The following USP31 variants were observed in gnomAD, a reference collection of about 807,000 sequenced individuals.
The protein encoded by USP31 is ubiquitin carboxyl-terminal hydrolase 31.
In USP31, 44 loss-of-function variants were observed where a neutral mutation model predicts 119.4. The ratio of observed to expected loss-of-function variants is 0.37; its 90% CI spans 0.29 to 0.47. The LOEUF (loss-of-function observed/expected upper bound fraction) is 0.47, where lower values mean the gene tolerates loss of function less well. Among genes scored for constraint, USP31 ranks in the 20% least tolerant of loss-of-function variants. The probability of loss-of-function intolerance (pLI) is 0.99; values close to 1 mark genes in which losing one functional copy is unlikely to be tolerated. For synonymous variants in USP31, 749 were observed against 705.6 expected (o/e 1.06, Z -0.97); for missense variants, 1,643 against 1,730.2 (o/e 0.95, Z 0.89).
intron 15 of USP31, among the ~76,000 whole-genome samples, chr16:23,071,168 A>C (rs1900327467): frequency 6.6e-6 from 1 of 152,230 alleles, no homozygotes; most frequent in Admixed American, 6.5e-5. Context: ...AAGAGGTGGC[A>C]GAGCTAGAGC....
intron 1 of USP31, among the ~76,000 whole-genome samples, chr16:23,108,797 GT>G (rs1902210186): frequency 6.6e-6 from 1 of 152,068 alleles, no homozygotes; most frequent in South Asian, 2.1e-4. Context: ...ATGAATACAT[GT>G]TACATAACAA....
chr16:23,132,917 A>T (rs1903073319), intron 1 of USP31, among the ~76,000 whole-genome samples: 1 of 152,300 alleles, frequency 6.6e-6, no homozygotes, highest in African/African-American at 2.4e-5. Flanking sequence ...TCACACACCC[A>T]TAAAGCTGCC....
At chr16:23,105,298 T>G in intron 5 of USP31, 143 bp downstream of exon 5, 1 of 1,080,264 alleles carries the variant, frequency 9.3e-7, no homozygotes. Flanking sequence ...TTTGGGGCCT[T>G]GATTTTTTTC....
At chr16:23,093,870 T>C (rs1250377299) in intron 6 of USP31, among the ~76,000 whole-genome samples, 1 of 152,192 alleles carries the variant, frequency 6.6e-6, no homozygotes, top group Non-Finnish European at 1.5e-5. Context: ...AGGAATGAAG[T>C]GGATCCGTTC....
At chr16:23,133,723 C>G (rs948798070) in intron 1 of USP31, among the ~76,000 whole-genome samples, 1 of 152,144 alleles carries the variant, frequency 6.6e-6, no homozygotes, top group African/African-American at 2.4e-5. Context: ...CAGTGACAGG[C>G]AGGCATTCAG....
rs117936945 is a variant in USP31, at chr16:23,067,198, C to G, written c.*848G>C. 6 of 152,722 alleles carry G rather than the reference C, an allele frequency of 3.9e-5. No homozygotes were observed. The highest frequency in any genetic ancestry group is 5.9e-5 in the Non-Finnish European group (4 of 68,030). The allele number at this position is 152,722 out of a possible 1,614,324, so 9.5% of individuals were successfully genotyped here. On this transcript the variant is annotated 3_prime_UTR_variant, in exon 16 of 16. Coordinates refer to ENST00000219689, the MANE Select transcript of USP31 (RefSeq NM_020718.4). ...AACTGCTCTACTACAGTGCAAAATTCCAAGAGCCTTAGCTAGTAATTTCAG... is the reference window on the plus strand; with the variant it reads ...AACTGCTCTACTACAGTGCAAAATTGCAAGAGCCTTAGCTAGTAATTTCAG...
rs377429982 is a variant in USP31 at position 23,084,819 on chromosome 16, C to T, written c.1830+41G>A. On this transcript the variant is annotated intron_variant, in intron 11 of 15. Transcript: ENST00000219689. The stretch of plus-strand genomic sequence containing the variant: ...TATCACCTTGCCATGCCCCACTCCC[C>T]ACTGCCCTGAGCAACCAAGAAATGC... 247 of 1,611,180 alleles carry T rather than the reference C, an allele frequency of 1.5e-4. 1 individual carries two copies. In the African/African-American group the frequency reaches 2.3e-3, roughly 15 times the overall value.
At chr16:23,085,106 T>C (rs1411771152) in intron 10 of USP31, 117 bp from the exon 11 acceptor site, 3 of 1,427,996 alleles carry the variant, frequency 2.1e-6, no homozygotes, top group East Asian at 2.3e-5. Flanking sequence ...AAAAAATCAA[T>C]GTGTAAGAAA....
At position 23,068,087 on chromosome 16, in the gene USP31, T is replaced by C. The variant is rs114976439; in HGVS notation, c.4018A>G (p.Ser1340Gly). Residue 1340 changes from serine to glycine, a missense_variant, in exon 16 of 16, where the codon AGC (serine) becomes GGC (glycine). Around this residue, in one of 5 missense-constraint regions of USP31, gnomAD observed 699 missense variants for 650.9 expected, o/e 1.07. Coordinates refer to ENST00000219689, the MANE Select transcript of USP31 (RefSeq NM_020718.4). ...GAAGGCCGTGCAGAGGTTTGCATGC[T>C]AGAAGATAACTTTTTTGAGGATTTC... ...AEKSSKKLSS[S>G]MQTSARPSQK... 3.1e-3 allele frequency: 4,997 copies of C among 1,614,210 alleles called. 8 individuals carry two copies. Among genetic ancestry groups the C allele is most frequent in the Non-Finnish European group, 3.9e-3 (4,588 of 1,180,022 alleles).
intron 1 of USP31, among the ~76,000 whole-genome samples, chr16:23,127,745 T>C (rs932428050): frequency 6.6e-6 from 1 of 151,714 alleles, no homozygotes; most frequent in South Asian, 2.1e-4. Context: ...CCCAAAGTGC[T>C]GGGATTACAG....
At chr16:23,113,072 T>C (rs1352055185) in intron 1 of USP31, among the ~76,000 whole-genome samples, 2 of 151,772 alleles carry the variant, frequency 1.3e-5, no homozygotes, top group Non-Finnish European at 2.9e-5. Flanking sequence ...TTAGCACTAA[T>C]GAAACCTTGG....
At chr16:23,120,542 T>A (rs569616163) in intron 1 of USP31, among the ~76,000 whole-genome samples, 1 of 151,964 alleles carries the variant, frequency 6.6e-6, no homozygotes, top group South Asian at 2.1e-4. Flanking sequence ...CAAAGAAAAA[T>A]TAGAGAGAGA....
chr16:23,108,660 T>C (rs1361573317), intron 1 of USP31, among the ~76,000 whole-genome samples: 1 of 152,160 alleles, frequency 6.6e-6, no homozygotes, highest in African/African-American at 2.4e-5. Context: ...GTAAAAATCA[T>C]TTAGGGGGGT....
intron 1 of USP31, among the ~76,000 whole-genome samples, chr16:23,145,726 G>A (rs895161334): frequency 6.6e-6 from 1 of 152,146 alleles, no homozygotes; most frequent in Admixed American, 6.5e-5. Flanking sequence ...TCCTTGTTGG[G>A]CCCAACGAGC....
chr16:23,080,197 T>C (rs1374063730), intron 12 of USP31, 26 bp from the exon 13 acceptor site: 14 of 1,523,294 alleles, frequency 9.2e-6, no homozygotes, highest in Admixed American at 2.2e-5. Context: ...AAACAAGTTC[T>C]GGTGATATTT....
Position 23,064,459 on chromosome 16 carries a change from T to A in USP31, c.*3587A>T, listed in dbSNP as rs993228561. ...GACAATGTTCCCCTCAAATCCCACA[T>A]CCGTCTCATACAAACATAAGATGAC... On this transcript the variant is annotated 3_prime_UTR_variant, in exon 16 of 16. Transcript: ENST00000219689. 1 of 152,202 alleles carries A rather than the reference T, an allele frequency of 6.6e-6. No individual in the cohort carries two copies. Among genetic ancestry groups the A allele is most frequent in the African/African-American group, 2.4e-5 (1 of 41,442 alleles). The allele number at this position is 152,202 out of a possible 1,614,324, so 9.4% of individuals were successfully genotyped here.
chr16:23,074,806 A>T (rs1353484502), intron 13 of USP31, among the ~76,000 whole-genome samples: 1 of 152,232 alleles, frequency 6.6e-6, no homozygotes, highest in Non-Finnish European at 1.5e-5. Context: ...AGAGTTCACA[A>T]ACCCAGTCAT....
intron 1 of USP31, among the ~76,000 whole-genome samples, chr16:23,146,527 C>T (rs534360768): frequency 2.6e-5 from 4 of 151,972 alleles, no homozygotes; most frequent in East Asian, 1.9e-4. Context: ...GACTCCATCT[C>T]AAAAATAATA....
At chr16:23,107,718 T>C (rs1439910324) in intron 2 of USP31, among the ~76,000 whole-genome samples, 1 of 152,240 alleles carries the variant, frequency 6.6e-6, no homozygotes, top group Non-Finnish European at 1.5e-5. Flanking sequence ...ACAGAGTATG[T>C]GTCTTACTAG....
Sources: gnomAD v4.1 joint callset for allele counts (sites outside exome capture counted in the v4.1 genomes callset) on GRCh38, gnomAD v4.1.1 for gene constraint, gnomAD v4.1.1 regional missense constraint, MANE v1.5 for transcripts, NCBI Gene and HGNC (gene_info 2026-07-23, HGNC 2026-07-21) for gene names.